Variants in EXOC4 observed in about 807,000 individuals in gnomAD.
EXOC4 encodes the protein exocyst complex component 4, also known as SEC8-like 1.
EXOC4 carries 71 observed loss-of-function variants against 107.2 expected under a neutral mutation model. That is an observed-to-expected ratio of 0.66 (90% CI 0.55 to 0.81). EXOC4 has a LOEUF of 0.81. Among genes scored for constraint, EXOC4 ranks in the 30% least tolerant of loss-of-function variants. The pLI is 0.00. For missense variants in EXOC4, 1,108 were observed against 1,189.6 expected (o/e 0.93, Z 1.01); for synonymous variants, 456 against 441.2 (o/e 1.03, Z -0.42).
intron 7 of EXOC4, among the ~76,000 whole-genome samples, chr7:133,461,316 C>T (rs907525790): frequency 6.6e-6 from 1 of 152,100 alleles, no homozygotes; most frequent in African/African-American, 2.4e-5. Context: ...CTGGTCTTTA[C>T]AATGTTCCCC....
intron 12 of EXOC4, among the ~76,000 whole-genome samples, chr7:133,908,264 C>G (rs181946582): frequency 6.6e-6 from 1 of 152,328 alleles, no homozygotes; most frequent in African/African-American, 2.4e-5. Context: ...GGTCACAGCT[C>G]ATCTAGTCAG....
chr7:133,899,586 A>G (rs1366559466), intron 12 of EXOC4, among the ~76,000 whole-genome samples: 1 of 152,102 alleles, frequency 6.6e-6, no homozygotes, highest in Non-Finnish European at 1.5e-5. Flanking sequence ...ATCATAGTCC[A>G]TTTAGTCTTG....
chr7:133,540,030 A>G (rs1158909123), intron 9 of EXOC4, among the ~76,000 whole-genome samples: 1 of 152,166 alleles, frequency 6.6e-6, no homozygotes, highest in Non-Finnish European at 1.5e-5. Flanking sequence ...AAAAAAAATC[A>G]CCACCAGCAA....
intron 9 of EXOC4, among the ~76,000 whole-genome samples, chr7:133,557,280 A>G (rs1033839254): frequency 6.6e-6 from 1 of 151,808 alleles, no homozygotes; most frequent in Non-Finnish European, 1.5e-5. Context: ...CTTCAAATAA[A>G]CCAAACACAA....
chr7:133,823,847 A>AT (rs1437413133), intron 11 of EXOC4, among the ~76,000 whole-genome samples: 3 of 2,538 alleles, frequency 1.2e-3, no homozygotes, highest in South Asian at 0.016. Flanking sequence ...TATATATTAT[A>AT]TATATATATA....
chr7:133,509,818 C>G (rs542988445), intron 9 of EXOC4, among the ~76,000 whole-genome samples: 30 of 152,304 alleles, frequency 2.0e-4, no homozygotes, highest in African/African-American at 6.7e-4. Flanking sequence ...TCTTTAAAAC[C>G]TACGAGGTGT....
At chr7:133,727,898 T>C (rs1795248919) in intron 10 of EXOC4, among the ~76,000 whole-genome samples, 1 of 152,262 alleles carries the variant, frequency 6.6e-6, no homozygotes, top group African/African-American at 2.4e-5. Context: ...TCTTAAATTA[T>C]TTACATTGAA....
At chr7:133,617,302 T>G (rs1299317369) in intron 9 of EXOC4, among the ~76,000 whole-genome samples, 1 of 151,838 alleles carries the variant, frequency 6.6e-6, no homozygotes, top group African/African-American at 2.4e-5. Context: ...AAAAACTGAG[T>G]GGTGAGGTGA....
intron 13 of EXOC4, among the ~76,000 whole-genome samples, chr7:133,919,482 C>T (rs1318128954): frequency 1.3e-5 from 2 of 152,076 alleles, no homozygotes; most frequent in African/African-American, 4.8e-5. Flanking sequence ...TAGTATTATG[C>T]AGAATAATAA....
At chr7:133,813,047 T>A (rs1028886795) in intron 10 of EXOC4, among the ~76,000 whole-genome samples, 1 of 152,178 alleles carries the variant, frequency 6.6e-6, no homozygotes, top group African/African-American at 2.4e-5. Flanking sequence ...GAAAGCAGAT[T>A]TGGAAACATG....
chr7:134,042,268 A>G (rs1346161488), intron 17 of EXOC4, among the ~76,000 whole-genome samples: 1 of 152,216 alleles, frequency 6.6e-6, no homozygotes, highest in Non-Finnish European at 1.5e-5. Context: ...TATAAAGCAT[A>G]TTAGTTTAAA....
chr7:133,802,258 A>C (rs1796962473), intron 10 of EXOC4, among the ~76,000 whole-genome samples: 1 of 152,228 alleles, frequency 6.6e-6, no homozygotes, highest in South Asian at 2.1e-4. Flanking sequence ...CACATGTAAA[A>C]TGGAAATAAT....
chr7:133,763,053 G>T (rs1431775882), intron 10 of EXOC4, among the ~76,000 whole-genome samples: 1 of 152,118 alleles, frequency 6.6e-6, no homozygotes, highest in Admixed American at 6.6e-5. Context: ...TGCACATAAT[G>T]CGTTTCTAAC....
rs140108960 is a variant in EXOC4, at chr7:133,633,017, C to T, written c.1514+2876C>T. Among the ~76,000 whole-genome samples the T allele has an allele frequency of 2.2e-3, 331 of 152,238 alleles. 1 individual carries two copies. The Middle Eastern group carries it at 0.034, about 16-fold the overall frequency. ...AATAATCTTGGTTCAGGACTAGGCTCCTTCACTTTAGTTTTACTCAATGCT... is the reference window on the plus strand; with the variant it reads ...AATAATCTTGGTTCAGGACTAGGCTTCTTCACTTTAGTTTTACTCAATGCT... On this transcript the variant is annotated intron_variant, in intron 10 of 17. Coordinates refer to ENST00000253861, the MANE Select transcript of EXOC4 (RefSeq NM_021807.4).
At chr7:133,847,537 A>ATTTTTT (rs34297470) in intron 11 of EXOC4, among the ~76,000 whole-genome samples, 9 of 127,190 alleles carry the variant, frequency 7.1e-5, no homozygotes, top group African/African-American at 2.4e-4. Flanking sequence ...TACACCAGCT[A>ATTTTTT]TTTTTTTTTT....
chr7:133,921,896 A>G (rs1433870576), intron 13 of EXOC4, among the ~76,000 whole-genome samples: 1 of 152,050 alleles, frequency 6.6e-6, no homozygotes. Context: ...GTTCTTAGAT[A>G]TTCTGTTGTT....
Position 133,368,150 on chromosome 7 carries a change from C to T in EXOC4, c.1008-6678C>T, listed in dbSNP as rs544862825. On this transcript the variant is annotated intron_variant, in intron 6 of 17. Coordinates refer to ENST00000253861, the MANE Select transcript of EXOC4 (RefSeq NM_021807.4). ...TACAAAGAACCATAAAATAGGGATT[C>T]TGCCTACACTTTCTGGCCCAGGAGG... Among the ~76,000 whole-genome samples the T allele has an allele frequency of 2.6e-5, 4 of 152,346 alleles. No homozygotes were observed. In the East Asian group the frequency reaches 7.7e-4, roughly 29 times the overall value.
intron 14 of EXOC4, among the ~76,000 whole-genome samples, chr7:133,992,475 G>T (rs996976566): frequency 3.3e-5 from 5 of 151,758 alleles, no homozygotes; most frequent in African/African-American, 1.2e-4. Flanking sequence ...TAAAGACAGG[G>T]TTTCACTATG....
At chr7:133,472,916 G>A in intron 7 of EXOC4, among the ~76,000 whole-genome samples, 1 of 152,130 alleles carries the variant, frequency 6.6e-6, no homozygotes, top group East Asian at 1.9e-4. Context: ...TTTGAGGTCA[G>A]TATTTTATTA....
Sources: allele counts gnomAD v4.1 joint callset (sites outside exome capture counted in the v4.1 genomes callset), GRCh38; gene constraint gnomAD v4.1.1; transcripts MANE v1.5; gene names NCBI Gene and HGNC (gene_info 2026-07-23, HGNC 2026-07-21).